NTM: variants seen among roughly 807,000 people sequenced by gnomAD.
The protein encoded by NTM is neurotrimin, also known as IgLON family member 2.
NTM carries 13 observed loss-of-function variants against 42.1 expected under a neutral mutation model. The observed-to-expected ratio is 0.31, with a 90% CI of 0.20 to 0.49. The LOEUF is 0.49. Ranked by LOEUF, NTM falls within the 20% of genes least tolerant of loss-of-function variation. The pLI is 0.99. For missense variants in NTM, 373 were observed against 452.8 expected, an observed-to-expected ratio of 0.82 and a Z score of 1.60; for synonymous variants, 187 against 179.2, an observed-to-expected ratio of 1.04 and a Z score of -0.35.
intron 4 of NTM, among the ~76,000 whole-genome samples, chr11:132,243,408 T>C (rs1040606543): frequency 6.6e-6 from 1 of 152,202 alleles, no homozygotes; most frequent in African/African-American, 2.4e-5. Flanking sequence ...CGTCGAGGCA[T>C]TGACAGTGCC....
intron 1 of NTM, among the ~76,000 whole-genome samples, chr11:131,389,541 C>T (rs578087835): frequency 2.3e-4 from 35 of 152,276 alleles, no homozygotes; most frequent in African/African-American, 7.2e-4. Context: ...TCTAGAGCCT[C>T]GGGAAGAACG....
At chr11:131,396,811 G>A (rs951645185) in intron 1 of NTM, among the ~76,000 whole-genome samples, 5 of 151,470 alleles carry the variant, frequency 3.3e-5, no homozygotes, top group African/African-American at 1.2e-4. Flanking sequence ...TCCAGCCCGG[G>A]CAACAGAGTG....
At chr11:131,954,435 G>A (rs1314580734) in intron 2 of NTM, among the ~76,000 whole-genome samples, 1 of 152,170 alleles carries the variant, frequency 6.6e-6, no homozygotes, top group Non-Finnish European at 1.5e-5. Context: ...GGGAGGTGGT[G>A]ATCTCTTTTC....
intron 2 of NTM, among the ~76,000 whole-genome samples, chr11:132,084,288 C>T (rs2059435985): frequency 6.6e-6 from 1 of 152,122 alleles, no homozygotes; most frequent in Non-Finnish European, 1.5e-5. Context: ...ATTTGGTTAT[C>T]TTTGTGGTTT....
rs1491462786 is a variant in NTM, at chr11:131,789,452, AAG to A, written c.83-122110_83-122109del. 1.6e-4 allele frequency among the ~76,000 whole-genome samples: 2 copies of A among 12,140 alleles called. 1 individual carries two copies. The allele number at this position is 12,140 out of a possible 152,430, so 8.0% of individuals were successfully genotyped here. The stretch of plus-strand genomic sequence containing the variant: ...AAGGAAGAAGAAGAAGAAGAAGAAG[AAG>A]AAGAAGAAGAAGAAGAAGAAGAAGA... On this transcript the variant is annotated intron_variant, in intron 1 of 8. Coordinates refer to ENST00000683400, the MANE Select transcript of NTM (RefSeq NM_001352005.2).
intron 2 of NTM, among the ~76,000 whole-genome samples, chr11:131,951,919 G>A (rs752564922): frequency 1.3e-5 from 2 of 151,390 alleles, no homozygotes; most frequent in African/African-American, 2.4e-5. Context: ...ATGATAATGC[G>A]ATTTCTGCTT....
intron 2 of NTM, among the ~76,000 whole-genome samples, chr11:132,125,371 T>TGTGTG (rs2065526978): frequency 6.7e-6 from 1 of 148,388 alleles, no homozygotes; most frequent in Non-Finnish European, 1.5e-5. Context: ...GTGTATGATG[T>TGTGTG]GTGTGTGGTG....
chr11:131,569,689 C>T (rs1022530696), intron 1 of NTM, among the ~76,000 whole-genome samples: 3 of 150,644 alleles, frequency 2.0e-5, no homozygotes, highest in South Asian at 2.1e-4. Flanking sequence ...GCAATCTTCC[C>T]TCCTCAGCCA....
rs1434492378 is a variant in NTM, at chr11:132,335,315, G to A, written c.*169G>A. The A allele has an allele frequency of 1.1e-5, 8 of 723,222 alleles. No homozygotes were observed. Among genetic ancestry groups the A allele is most frequent in the Middle Eastern group, 2.5e-4 (1 of 4,002 alleles). The allele number at this position is 723,222 out of a possible 1,614,324, so 44.8% of individuals were successfully genotyped here. On this transcript the variant is annotated 3_prime_UTR_variant, in exon 9 of 9. Transcript: ENST00000683400. ...GAGGGGAACAAAGAATACTTTGGGGGGAAAAAAGTTTTAAAAAAGAAATTG... is the reference window on the plus strand; with the variant it reads ...GAGGGGAACAAAGAATACTTTGGGGAGAAAAAAGTTTTAAAAAAGAAATTG...
chr11:132,160,314 C>T (rs1033795697), intron 3 of NTM, among the ~76,000 whole-genome samples: 4 of 152,164 alleles, frequency 2.6e-5, no homozygotes, highest in African/African-American at 9.7e-5. Flanking sequence ...AGCTAATGCA[C>T]CAGGAAGTGC....
intron 1 of NTM, among the ~76,000 whole-genome samples, chr11:131,885,198 C>A (rs1053583408): frequency 3.9e-5 from 6 of 152,224 alleles, no homozygotes; most frequent in African/African-American, 1.4e-4. Context: ...TTCATCCAAG[C>A]TGAGCACCTA....
chr11:131,664,179 C>T (rs1183158111), intron 1 of NTM, among the ~76,000 whole-genome samples: 1 of 152,216 alleles, frequency 6.6e-6, no homozygotes, highest in Admixed American at 6.5e-5. Context: ...CAGTTTGAGG[C>T]CTGCATCTGT....
intron 6 of NTM, among the ~76,000 whole-genome samples, chr11:132,313,862 G>C (rs1003693704): frequency 6.6e-6 from 1 of 152,108 alleles, no homozygotes; most frequent in Non-Finnish European, 1.5e-5. Flanking sequence ...GGAGCTCAGG[G>C]AGACTGTCCT....
At chr11:131,909,394 T>C (rs2054348286) in intron 1 of NTM, among the ~76,000 whole-genome samples, 1 of 152,240 alleles carries the variant, frequency 6.6e-6, no homozygotes, top group South Asian at 2.1e-4. Context: ...TCAGTTATAA[T>C]GGTTCAGTCT....
At chr11:131,959,902 C>T (rs1476028935) in intron 2 of NTM, among the ~76,000 whole-genome samples, 2 of 152,102 alleles carry the variant, frequency 1.3e-5, no homozygotes, top group African/African-American at 4.8e-5. Flanking sequence ...GAAAGTTTTC[C>T]TTACGTTTCT....
chr11:131,668,800 T>C (rs2069576013), intron 1 of NTM, among the ~76,000 whole-genome samples: 1 of 152,182 alleles, frequency 6.6e-6, no homozygotes, highest in Non-Finnish European at 1.5e-5. Context: ...CCACGAAAGG[T>C]AAATGATGCA....
chr11:131,595,982 A>T (rs1234530783), intron 1 of NTM, among the ~76,000 whole-genome samples: 2 of 152,252 alleles, frequency 1.3e-5, no homozygotes, highest in Non-Finnish European at 2.9e-5. Flanking sequence ...GCTAGGTCCT[A>T]TTGCAGTCAC....
intron 2 of NTM, among the ~76,000 whole-genome samples, chr11:131,963,781 C>T (rs977874916): frequency 3.9e-5 from 6 of 152,208 alleles, no homozygotes; most frequent in Non-Finnish European, 8.8e-5. Flanking sequence ...GCTCACTATG[C>T]ACTAGGCCTT....
At chr11:131,786,664 A>G (rs1050032354) in intron 1 of NTM, among the ~76,000 whole-genome samples, 1 of 152,234 alleles carries the variant, frequency 6.6e-6, no homozygotes, top group Admixed American at 6.5e-5. Context: ...TTTTAGATTT[A>G]TCGTGCTATT....
Sources: allele counts gnomAD v4.1 joint callset (sites outside exome capture counted in the v4.1 genomes callset), GRCh38; gene constraint gnomAD v4.1.1; transcripts MANE v1.5; gene names NCBI Gene and HGNC (gene_info 2026-07-23, HGNC 2026-07-21).